GRIK2: variants seen among roughly 807,000 people sequenced by gnomAD.
The protein encoded by GRIK2 is glutamate ionotropic receptor kainate type subunit 2.
In GRIK2, 32 loss-of-function variants were observed where a neutral mutation model predicts 100.3. The observed-to-expected ratio is 0.32, with a 90% confidence interval of 0.24 to 0.43. GRIK2 has a LOEUF of 0.43. Ranked by LOEUF, GRIK2 falls within the 20% of genes least tolerant of loss-of-function variation. GRIK2 has a pLI of 1.00. For missense variants in GRIK2, 843 were observed against 1,114.9 expected, an observed-to-expected ratio of 0.76 and a Z score of 3.47; for synonymous variants, 417 against 389.4, an observed-to-expected ratio of 1.07 and a Z score of -0.83.
chr6:101,869,916 T>A (rs989514857), intron 11 of GRIK2, among the ~76,000 whole-genome samples: 1 of 151,852 alleles, frequency 6.6e-6, no homozygotes, highest in African/African-American at 2.4e-5. Flanking sequence ...GAACTGCAGA[T>A]TTTGGTTTTA....
intron 12 of GRIK2, among the ~76,000 whole-genome samples, chr6:101,893,128 C>G (rs565231406): frequency 6.6e-6 from 1 of 151,144 alleles, no homozygotes; most frequent in East Asian, 2.0e-4. Flanking sequence ...TTTAATGCTT[C>G]CTTTAGCATT....
At chr6:101,396,770 G>C (rs1775026739) in intron 1 of GRIK2, among the ~76,000 whole-genome samples, 1 of 152,144 alleles carries the variant, frequency 6.6e-6, no homozygotes. Flanking sequence ...AAGAAAGGTC[G>C]TCTCCAGTCT....
intron 7 of GRIK2, among the ~76,000 whole-genome samples, chr6:101,733,829 G>A (rs189929262): frequency 6.9e-5 from 10 of 144,146 alleles, no homozygotes; most frequent in Non-Finnish European, 1.2e-4. Flanking sequence ...TTCATTGTTC[G>A]TAGTCCTTCC....
At chr6:101,774,113 A>G (rs2128398879) in intron 7 of GRIK2, among the ~76,000 whole-genome samples, 1 of 152,164 alleles carries the variant, frequency 6.6e-6, no homozygotes, top group African/African-American at 2.4e-5. Flanking sequence ...ATCAGTTTTT[A>G]TTGGCATTTG....
chr6:101,541,566 TTA>T (rs1357589129), intron 2 of GRIK2, among the ~76,000 whole-genome samples: 1 of 152,072 alleles, frequency 6.6e-6, no homozygotes, highest in Non-Finnish European at 1.5e-5. Flanking sequence ...GAAGTCAAAA[TTA>T]TGTCTTGTTC....
intron 7 of GRIK2, among the ~76,000 whole-genome samples, chr6:101,753,743 C>T (rs1397852869): frequency 6.6e-6 from 1 of 151,786 alleles, no homozygotes; most frequent in East Asian, 1.9e-4. Context: ...TGATAGTTTT[C>T]CAACATATTA....
chr6:101,498,556 C>T (rs1455993440), intron 2 of GRIK2, among the ~76,000 whole-genome samples: 1 of 149,992 alleles, frequency 6.7e-6, no homozygotes, highest in Non-Finnish European at 1.5e-5. Context: ...GAATGCTTGC[C>T]ATTCTAACTG....
chr6:101,898,155 C>T (rs1191622186), intron 12 of GRIK2, among the ~76,000 whole-genome samples: 1 of 151,650 alleles, frequency 6.6e-6, no homozygotes, highest in Non-Finnish European at 1.5e-5. Flanking sequence ...ATAGCAGCCC[C>T]CAGCCCCTCA....
intron 2 of GRIK2, among the ~76,000 whole-genome samples, chr6:101,485,687 G>T (rs1186176999): frequency 6.6e-6 from 1 of 152,068 alleles, no homozygotes; most frequent in Non-Finnish European, 1.5e-5. Flanking sequence ...CAATTATATT[G>T]AAATATACTT....
chr6:101,590,635 C>T (rs938128979), intron 2 of GRIK2, among the ~76,000 whole-genome samples: 3 of 151,908 alleles, frequency 2.0e-5, no homozygotes, highest in Non-Finnish European at 2.9e-5. Context: ...TACCCTCACA[C>T]GTATTTTTGT....
chr6:101,480,721 A>T (rs892255763), intron 2 of GRIK2, among the ~76,000 whole-genome samples: 1 of 152,124 alleles, frequency 6.6e-6, no homozygotes, highest in African/African-American at 2.4e-5. Context: ...ACTAGATGCT[A>T]AAAAAAGAAA....
intron 14 of GRIK2, among the ~76,000 whole-genome samples, chr6:101,945,939 T>G (rs1352877496): frequency 1.3e-5 from 2 of 149,642 alleles, no homozygotes; most frequent in East Asian, 2.0e-4. Flanking sequence ...TTTTATGAGA[T>G]AGCAAATTAA....
intron 7 of GRIK2, among the ~76,000 whole-genome samples, chr6:101,719,013 C>T (rs554667982): frequency 6.6e-6 from 1 of 151,872 alleles, no homozygotes; most frequent in Admixed American, 6.6e-5. Context: ...ATATTTCCAT[C>T]TTCTCTTTCT....
intron 7 of GRIK2, among the ~76,000 whole-genome samples, chr6:101,776,222 A>T (rs1244109582): frequency 6.6e-6 from 1 of 152,174 alleles, no homozygotes; most frequent in Non-Finnish European, 1.5e-5. Context: ...GGCAGGTTTT[A>T]TTTGTTCAGG....
chr6:101,739,214 T>C (rs928764878), intron 7 of GRIK2, among the ~76,000 whole-genome samples: 4 of 152,222 alleles, frequency 2.6e-5, no homozygotes, highest in African/African-American at 9.6e-5. Flanking sequence ...GACTATCGCA[T>C]GCTATTGATT....
intron 10 of GRIK2, among the ~76,000 whole-genome samples, chr6:101,826,779 C>T (rs1040584580): frequency 1.3e-5 from 2 of 151,136 alleles, no homozygotes; most frequent in Non-Finnish European, 3.0e-5. Flanking sequence ...TAATAGCATA[C>T]CATTTAAAAA....
intron 2 of GRIK2, among the ~76,000 whole-genome samples, chr6:101,571,928 T>C (rs919541797): frequency 3.3e-5 from 5 of 152,146 alleles, no homozygotes; most frequent in African/African-American, 1.2e-4. Context: ...TAAATATAAA[T>C]GCTTACAAAA....
chr6:102,038,620 T>A, intron 15 of GRIK2, among the ~76,000 whole-genome samples: 2 of 151,300 alleles, frequency 1.3e-5, no homozygotes, highest in Middle Eastern at 6.8e-3. Context: ...TTTACTTACT[T>A]ACTTACTTTA....
chr6:101,450,279 T>C (rs1046945486), intron 2 of GRIK2, among the ~76,000 whole-genome samples: 5 of 151,702 alleles, frequency 3.3e-5, no homozygotes, highest in South Asian at 2.1e-4. Flanking sequence ...AGACAGTGAC[T>C]ATAAACAAGA....
Sources: gnomAD v4.1 joint callset for allele counts (sites outside exome capture counted in the v4.1 genomes callset) on GRCh38, gnomAD v4.1.1 for gene constraint, MANE v1.5 for transcripts, NCBI Gene and HGNC (gene_info 2026-07-23, HGNC 2026-07-21) for gene names.